Variants in PTPRK observed in about 807,000 individuals in gnomAD.
PTPRK encodes the protein receptor-type tyrosine-protein phosphatase kappa.
Under a neutral mutation model 178.0 loss-of-function variants are expected in PTPRK, and 75 were observed. The observed-to-expected ratio is 0.42, with a 90% confidence interval of 0.35 to 0.51. The LOEUF (loss-of-function observed/expected upper bound fraction) is 0.51. PTPRK is among the 20% of genes least tolerant of loss of function. The pLI, the probability that PTPRK is intolerant of heterozygous loss-of-function variation, is 0.02. For synonymous variants in PTPRK, 637 were observed against 620.6 expected (o/e 1.03, Z -0.39); for missense variants, 1,441 against 1,797.8 (o/e 0.80, Z 3.59).
chr6:128,443,082 T>C (rs1396058052), intron 1 of PTPRK, among the ~76,000 whole-genome samples: 2 of 149,422 alleles, frequency 1.3e-5, no homozygotes, highest in Admixed American at 6.7e-5. Flanking sequence ...ATAGTACACT[T>C]CACAAAAAAA....
chr6:128,406,055 G>A (rs1841611249), intron 1 of PTPRK, among the ~76,000 whole-genome samples: 1 of 151,622 alleles, frequency 6.6e-6, no homozygotes, highest in Admixed American at 6.6e-5. Flanking sequence ...CCCAGAGTTG[G>A]AGACTACCCT....
chr6:128,396,304 AATTAT>A (rs1267678915), intron 2 of PTPRK, among the ~76,000 whole-genome samples: 2 of 148,806 alleles, frequency 1.3e-5, no homozygotes, highest in Admixed American at 6.7e-5. Flanking sequence ...TCAGCACATT[AATTAT>A]ATTATATATT....
At chr6:128,238,185 CAA>C (rs58051125) in intron 5 of PTPRK, 19,139 of 196,384 alleles carry the variant, frequency 0.097, 578 homozygotes, top group East Asian at 0.31. Flanking sequence ...TAGCAAACGC[CAA>C]AAAAAAAAAA....
At chr6:127,992,208 T>C (rs1445265876) in intron 19 of PTPRK, among the ~76,000 whole-genome samples, 1 of 151,830 alleles carries the variant, frequency 6.6e-6, no homozygotes, top group East Asian at 1.9e-4. Flanking sequence ...AAGAATTAAC[T>C]TGACTAAATT....
At chr6:128,333,142 T>A (rs1830486307) in intron 2 of PTPRK, among the ~76,000 whole-genome samples, 3 of 152,148 alleles carry the variant, frequency 2.0e-5, no homozygotes, top group Non-Finnish European at 4.4e-5. Context: ...TTCCAAAAGA[T>A]CCAAGATTGA....
intron 7 of PTPRK, among the ~76,000 whole-genome samples, chr6:128,141,676 T>G (rs1795789272): frequency 6.6e-6 from 1 of 151,896 alleles, no homozygotes; most frequent in Admixed American, 6.6e-5. Flanking sequence ...AAAGCAACTG[T>G]TTTGAGCAGC....
chr6:128,091,202 T>A (rs1786882054), intron 7 of PTPRK, among the ~76,000 whole-genome samples: 1 of 152,210 alleles, frequency 6.6e-6, no homozygotes, highest in Non-Finnish European at 1.5e-5. Flanking sequence ...GCTTAGGTTT[T>A]AAATGTTATT....
At chr6:128,377,755 A>G (rs1329223555) in intron 2 of PTPRK, among the ~76,000 whole-genome samples, 1 of 152,036 alleles carries the variant, frequency 6.6e-6, no homozygotes, top group Non-Finnish European at 1.5e-5. Flanking sequence ...TACTAGATAA[A>G]GAAAATGTTC....
At chr6:128,380,322 T>A (rs1279550049) in intron 2 of PTPRK, among the ~76,000 whole-genome samples, 1 of 152,036 alleles carries the variant, frequency 6.6e-6, no homozygotes, top group Admixed American at 6.6e-5. Context: ...GAAAAAAGTA[T>A]CAACTTTGAT....
At chr6:128,045,531 T>C (rs1452853856) in intron 13 of PTPRK, among the ~76,000 whole-genome samples, 1 of 152,010 alleles carries the variant, frequency 6.6e-6, no homozygotes. Context: ...AGAACTTCTA[T>C]TCATAAACAT....
chr6:128,339,913 A>G (rs769483452), intron 2 of PTPRK, among the ~76,000 whole-genome samples: 37 of 152,138 alleles, frequency 2.4e-4, no homozygotes, highest in Non-Finnish European at 4.7e-4. Flanking sequence ...TCTTAGGGTG[A>G]GTAAGAGAGG....
At chr6:128,273,503 C>G (rs79693709) in intron 3 of PTPRK, among the ~76,000 whole-genome samples, 1 of 152,142 alleles carries the variant, frequency 6.6e-6, no homozygotes, top group Admixed American at 6.5e-5. Context: ...AGTTTACAAG[C>G]CTTTGAAGCT....
chr6:128,196,980 C>T (rs116625024), intron 6 of PTPRK, among the ~76,000 whole-genome samples: 322 of 151,618 alleles, frequency 2.1e-3, no homozygotes, highest in African/African-American at 6.6e-3. Flanking sequence ...GGATGTAAGA[C>T]GAATAAAGAA....
intron 7 of PTPRK, among the ~76,000 whole-genome samples, chr6:128,161,213 C>T (rs2114605802): frequency 6.6e-6 from 1 of 151,836 alleles, no homozygotes; most frequent in Middle Eastern, 3.4e-3. Flanking sequence ...CAAACGATAA[C>T]TGCATTCATA....
At chr6:128,497,330 C>G (rs1158786351) in intron 1 of PTPRK, among the ~76,000 whole-genome samples, 1 of 152,072 alleles carries the variant, frequency 6.6e-6, no homozygotes, top group African/African-American at 2.4e-5. Context: ...CCATTTTATG[C>G]TGAGCTCAGT....
intron 14 of PTPRK, chr6:128,006,189 T>TG: frequency 1.5e-6 from 1 of 650,128 alleles, no homozygotes. Context: ...ATGTTTTTTT[T>TG]GCTTTGCATT....
intron 13 of PTPRK, among the ~76,000 whole-genome samples, chr6:128,043,429 G>A (rs1448249794): frequency 7.4e-6 from 1 of 134,550 alleles, no homozygotes; most frequent in Non-Finnish European, 1.8e-5. Flanking sequence ...TTAGGTCAAG[G>A]ATTCCAAACT....
intron 1 of PTPRK, among the ~76,000 whole-genome samples, chr6:128,492,043 C>T (rs1053696763): frequency 1.3e-5 from 2 of 152,144 alleles, no homozygotes; most frequent in Admixed American, 6.6e-5. Flanking sequence ...TCCATATCAT[C>T]AGGTTGCCTC....
At chr6:128,032,725 T>A (rs116645715) in intron 13 of PTPRK, among the ~76,000 whole-genome samples, 2,896 of 152,262 alleles carry the variant, frequency 0.019, 97 homozygotes, top group African/African-American at 0.066. Context: ...TTCTACATTT[T>A]AAAAAATATT....
Sources: gnomAD v4.1 joint callset for allele counts (sites outside exome capture counted in the v4.1 genomes callset) on GRCh38, gnomAD v4.1.1 for gene constraint, MANE v1.5 for transcripts, NCBI Gene and HGNC (gene_info 2026-07-23, HGNC 2026-07-21) for gene names.